Variants in KCNQ3 observed in about 807,000 individuals in gnomAD.
KCNQ3 encodes potassium voltage-gated channel subfamily KQT member 3.
Under a neutral mutation model 92.5 loss-of-function variants are expected in KCNQ3, and 30 were observed. The observed-to-expected ratio is 0.32, with a 90% CI of 0.24 to 0.44. KCNQ3 has a LOEUF of 0.44. Ranked by LOEUF, KCNQ3 falls within the 20% of genes least tolerant of loss-of-function variation. KCNQ3 has a pLI of 1.00. For missense variants in KCNQ3, 913 were observed against 1,140.3 expected, an observed-to-expected ratio of 0.80 and a Z score of 2.87; for synonymous variants, 450 against 468.8, an observed-to-expected ratio of 0.96 and a Z score of 0.52.
intron 1 of KCNQ3, among the ~76,000 whole-genome samples, chr8:132,349,814 T>C (rs1368006337): frequency 6.6e-6 from 1 of 152,196 alleles, no homozygotes; most frequent in Non-Finnish European, 1.5e-5. Context: ...AACCTGCAGA[T>C]CTAGGAGAAT....
At chr8:132,256,006 A>C (rs2130454836) in intron 1 of KCNQ3, among the ~76,000 whole-genome samples, 1 of 152,290 alleles carries the variant, frequency 6.6e-6, no homozygotes, top group East Asian at 1.9e-4. Context: ...GTCAACAGAA[A>C]ATTGTCAAAA....
At chr8:132,305,439 C>T (rs1817389205) in intron 1 of KCNQ3, among the ~76,000 whole-genome samples, 1 of 152,218 alleles carries the variant, frequency 6.6e-6, no homozygotes. Context: ...CTTACAAGTA[C>T]CTTCCCTAAC....
At chr8:132,397,721 C>A (rs1221850528) in intron 1 of KCNQ3, among the ~76,000 whole-genome samples, 2 of 152,028 alleles carry the variant, frequency 1.3e-5, no homozygotes, top group Non-Finnish European at 2.9e-5. Flanking sequence ...AGTCTTTTCC[C>A]TTCATTAATA....
intron 1 of KCNQ3, among the ~76,000 whole-genome samples, chr8:132,221,890 C>A (rs534021132): frequency 6.6e-6 from 1 of 152,222 alleles, no homozygotes; most frequent in Non-Finnish European, 1.5e-5. Flanking sequence ...TGGATCCCTT[C>A]CTTACACCGT....
intron 1 of KCNQ3, among the ~76,000 whole-genome samples, chr8:132,370,939 C>A (rs1819456943): frequency 6.6e-6 from 1 of 152,120 alleles, no homozygotes; most frequent in Admixed American, 6.5e-5. Flanking sequence ...GTTACACTGT[C>A]CAAGAGCAAG....
chr8:132,419,521 T>G (rs2130808526), intron 1 of KCNQ3, among the ~76,000 whole-genome samples: 1 of 152,268 alleles, frequency 6.6e-6, no homozygotes, highest in African/African-American at 2.4e-5. Flanking sequence ...TTCTTAGCCT[T>G]AAAATGCTTT....
At chr8:132,246,569 C>T (rs1815188175) in intron 1 of KCNQ3, among the ~76,000 whole-genome samples, 1 of 152,172 alleles carries the variant, frequency 6.6e-6, no homozygotes, top group Non-Finnish European at 1.5e-5. Flanking sequence ...GATAATGTCC[C>T]TTGTTCATTT....
At chr8:132,418,301 G>A (rs1820874856) in intron 1 of KCNQ3, among the ~76,000 whole-genome samples, 1 of 152,184 alleles carries the variant, frequency 6.6e-6, no homozygotes, top group Non-Finnish European at 1.5e-5. Context: ...TGACAGAGCT[G>A]AGGAAACATC....
chr8:132,362,872 T>C (rs1819208458), intron 1 of KCNQ3, among the ~76,000 whole-genome samples: 1 of 152,148 alleles, frequency 6.6e-6, no homozygotes, highest in Non-Finnish European at 1.5e-5. Context: ...GAATAAGTCT[T>C]GTAATGGGGC....
At chr8:132,147,279 C>CA in intron 9 of KCNQ3, among the ~76,000 whole-genome samples, 1 of 152,262 alleles carries the variant, frequency 6.6e-6, no homozygotes, top group East Asian at 1.9e-4. Flanking sequence ...GATAAATAAC[C>CA]ACCCCTGGTT....
At chr8:132,282,937 G>A (rs543599794) in intron 1 of KCNQ3, among the ~76,000 whole-genome samples, 1 of 152,142 alleles carries the variant, frequency 6.6e-6, no homozygotes, top group Admixed American at 6.6e-5. Context: ...GCCAGGATAC[G>A]AGAGAGTGAA....
At chr8:132,255,136 A>G (rs1250741999) in intron 1 of KCNQ3, among the ~76,000 whole-genome samples, 1 of 151,528 alleles carries the variant, frequency 6.6e-6, no homozygotes, top group East Asian at 2.0e-4. Context: ...TGATAGCCTT[A>G]AAAACCAATG....
At chr8:132,185,519 C>G (rs1443664150) in intron 2 of KCNQ3, among the ~76,000 whole-genome samples, 1 of 152,184 alleles carries the variant, frequency 6.6e-6, no homozygotes, top group African/African-American at 2.4e-5. Context: ...ATTTTTTAGG[C>G]AAGGACTTGA....
intron 1 of KCNQ3, chr8:132,321,545 C>T (rs1167605624): frequency 1.3e-5 from 2 of 152,500 alleles, no homozygotes; most frequent in Non-Finnish European, 2.9e-5. Context: ...CACACAGACA[C>T]ACAAGGATGC....
chr8:132,417,738 C>T (rs1034270670), intron 1 of KCNQ3, among the ~76,000 whole-genome samples: 2 of 152,222 alleles, frequency 1.3e-5, no homozygotes, highest in Non-Finnish European at 2.9e-5. Context: ...AAGGATATGT[C>T]CGTGAACAAA....
At chr8:132,389,106 T>C (rs951065875) in intron 1 of KCNQ3, among the ~76,000 whole-genome samples, 1 of 152,236 alleles carries the variant, frequency 6.6e-6, no homozygotes, top group Non-Finnish European at 1.5e-5. Flanking sequence ...TGGAGAAATC[T>C]TCATGAATTC....
rs113020280 is a variant in KCNQ3 at position 132,174,203 on chromosome 8, G to A, written c.1044+36C>T. ...CACCAGGCGGTAAGGGGTCCTGCAC[G>A]TCACATTGGGGATGTCATATATCAA... On this transcript the variant is annotated intron_variant, in intron 6 of 14. Transcript: ENST00000388996. The A allele has an allele frequency of 3.2e-3, 4,693 of 1,452,150 alleles. 141 individuals are homozygous for A. The African/African-American group carries it at 0.059, about 18-fold the overall frequency. The allele number at this position is 1,452,150 out of a possible 1,614,324, so 90.0% of individuals were successfully genotyped here.
intron 1 of KCNQ3, among the ~76,000 whole-genome samples, chr8:132,368,787 C>T (rs747835240): frequency 4.6e-5 from 7 of 152,162 alleles, no homozygotes; most frequent in Non-Finnish European, 8.8e-5. Flanking sequence ...GAAGATAGTA[C>T]AGGGAGCGCT....
chr8:132,358,016 C>T (rs900067569), intron 1 of KCNQ3, among the ~76,000 whole-genome samples: 3 of 152,232 alleles, frequency 2.0e-5, no homozygotes, highest in African/African-American at 7.2e-5. Context: ...AGGGAATTTG[C>T]TCCCTTGTGA....
Sources: gnomAD v4.1 joint callset for allele counts (sites outside exome capture counted in the v4.1 genomes callset) on GRCh38, gnomAD v4.1.1 for gene constraint, MANE v1.5 for transcripts, NCBI Gene and HGNC (gene_info 2026-07-23, HGNC 2026-07-21) for gene names.